Variants in ZNF618 observed in about 807,000 individuals in gnomAD.
The protein encoded by ZNF618 is neural precursor cell expressed, developmentally down-regulated 10.
Under a neutral mutation model 103.0 loss-of-function variants are expected in ZNF618, and 34 were observed. The ratio of observed to expected loss-of-function variants is 0.33; its 90% CI spans 0.25 to 0.44. The LOEUF (loss-of-function observed/expected upper bound fraction) is 0.44, where lower values mean the gene tolerates loss of function less well. Ranked by LOEUF, ZNF618 falls within the 20% of genes least tolerant of loss-of-function variation. The pLI, the probability that ZNF618 is intolerant of heterozygous loss-of-function variation, is 1.00. For missense variants in ZNF618, 1,059 were observed against 1,295.4 expected, an observed-to-expected ratio of 0.82 and a Z score of 2.80; for synonymous variants, 551 against 542.2, an observed-to-expected ratio of 1.02 and a Z score of -0.23.
chr9:113,987,601 C>T (rs568418940), intron 2 of ZNF618, among the ~76,000 whole-genome samples: 11 of 152,202 alleles, frequency 7.2e-5, no homozygotes, highest in Admixed American at 4.6e-4. Context: ...GGGAACAGCA[C>T]TGGATATCGC....
chr9:114,027,104 G>A (rs529207850), intron 10 of ZNF618, among the ~76,000 whole-genome samples: 2 of 151,850 alleles, frequency 1.3e-5, no homozygotes, highest in African/African-American at 4.8e-5. Context: ...TTCATTCTGT[G>A]GGTTAAAAAA....
intron 2 of ZNF618, among the ~76,000 whole-genome samples, chr9:113,977,595 A>G (rs1301341375): frequency 6.6e-6 from 1 of 152,146 alleles, no homozygotes; most frequent in African/African-American, 2.4e-5. Context: ...GGGATATTCT[A>G]TCTGGGAGAC....
At chr9:114,005,490 C>T (rs11788661) in intron 6 of ZNF618, among the ~76,000 whole-genome samples, 47,458 of 152,000 alleles carry the variant, frequency 0.31, 8,485 homozygotes, top group East Asian at 0.61. Context: ...TTGGAGGTAA[C>T]AGATGTGGCC....
chr9:114,001,494 T>C (rs1236952332), intron 4 of ZNF618, among the ~76,000 whole-genome samples: 3 of 152,110 alleles, frequency 2.0e-5, no homozygotes, highest in African/African-American at 7.2e-5. Flanking sequence ...TCTAAGGAAA[T>C]TACCAAGGTC....
intron 1 of ZNF618, among the ~76,000 whole-genome samples, chr9:113,901,537 G>A (rs1053070213): frequency 1.3e-5 from 2 of 152,188 alleles, no homozygotes; most frequent in African/African-American, 4.8e-5. Flanking sequence ...ATACATCAGC[G>A]CCCGTGCCAG....
intron 3 of ZNF618, among the ~76,000 whole-genome samples, chr9:113,994,638 T>C (rs1471350351): frequency 6.6e-6 from 1 of 152,112 alleles, no homozygotes; most frequent in East Asian, 1.9e-4. Flanking sequence ...CCAGTAGAAT[T>C]GTTGGGGGCA....
chr9:113,958,900 C>T (rs1465137902), intron 1 of ZNF618, among the ~76,000 whole-genome samples: 2 of 152,244 alleles, frequency 1.3e-5, no homozygotes, highest in African/African-American at 4.8e-5. Context: ...ATGTTACTGC[C>T]CTGCCTGGAG....
chr9:113,880,928 G>T (rs1828462151), intron 1 of ZNF618, among the ~76,000 whole-genome samples: 1 of 152,120 alleles, frequency 6.6e-6, no homozygotes, highest in African/African-American at 2.4e-5. Flanking sequence ...GAACCCTGTG[G>T]GTTAGGTGTC....
At chr9:113,895,120 T>A (rs1232060755) in intron 1 of ZNF618, among the ~76,000 whole-genome samples, 1 of 152,182 alleles carries the variant, frequency 6.6e-6, no homozygotes, top group African/African-American at 2.4e-5. Flanking sequence ...TCTGAGTTGC[T>A]AAGAGTTTTT....
intron 10 of ZNF618, among the ~76,000 whole-genome samples, chr9:114,019,085 T>C (rs1842867135): frequency 6.6e-6 from 1 of 152,214 alleles, no homozygotes; most frequent in Non-Finnish European, 1.5e-5. Flanking sequence ...TTCTTAGAAT[T>C]AGTGTCATAG....
chr9:114,001,437 G>A lies in ZNF618; in HGVS notation c.434-559G>A, dbSNP rs976926043. Among the ~76,000 whole-genome samples, 4 of 152,144 alleles carry A rather than the reference G, an allele frequency of 2.6e-5. No homozygotes were observed. The East Asian group carries it at 7.7e-4, about 29-fold the overall frequency. On this transcript the variant is annotated intron_variant, in intron 4 of 14. Coordinates refer to ENST00000374126, the MANE Select transcript of ZNF618 (RefSeq NM_001318042.2). ...GTATATGGCCACCCCTACGAGGTAG[G>A]TGCATGTGGTCCCATTCTGCAGATC...
chr9:113,944,720 T>C (rs1834854008), intron 1 of ZNF618, among the ~76,000 whole-genome samples: 1 of 152,246 alleles, frequency 6.6e-6, no homozygotes, highest in African/African-American at 2.4e-5. Flanking sequence ...ACATATTTTA[T>C]TGAGCCCATT....
At position 113,889,418 on chromosome 9, in the gene ZNF618, G is replaced by A. The variant is rs559662583; in HGVS notation, c.33+13005G>A. Among the ~76,000 whole-genome samples the A allele has an allele frequency of 2.0e-5, 3 of 151,626 alleles. No individual in the cohort carries two copies. The South Asian group carries it at 6.3e-4, about 32-fold the overall frequency. On this transcript the variant is annotated intron_variant, in intron 1 of 14. Coordinates refer to ENST00000374126, the MANE Select transcript of ZNF618 (RefSeq NM_001318042.2). ...CATATATGGCTAGACTTCTTACGTG[G>A]CGTCTTGAGGCTGCAAAGATGCATG...
At position 113,955,967 on chromosome 9, in the gene ZNF618, T is replaced by C. The variant is rs111421217; in HGVS notation, c.34-13150T>C. 7.0e-3 allele frequency among the ~76,000 whole-genome samples: 1,060 copies of C among 152,040 alleles called. 13 individuals carry two copies. Among genetic ancestry groups the C allele is most frequent in the African/African-American group, 0.024 (989 of 41,474 alleles). ...GTAAAAGAGGAGCATCCCAGCACTT[T>C]GGGAGGCCGAAGCGGGTGGATCACC... On this transcript the variant is annotated intron_variant, in intron 1 of 14. Transcript: ENST00000374126.
intron 13 of ZNF618, among the ~76,000 whole-genome samples, chr9:114,039,327 T>G (rs1021264433): frequency 2.7e-5 from 4 of 149,852 alleles, no homozygotes; most frequent in Non-Finnish European, 4.4e-5. Context: ...GTTTCTTTCT[T>G]TCTTTCTTGT....
intron 3 of ZNF618, among the ~76,000 whole-genome samples, chr9:113,990,583 C>A (rs2418263): frequency 0.59 from 89,824 of 152,100 alleles, 27,014 homozygotes; most frequent in Middle Eastern, 0.73. Context: ...CCCCTCTGGT[C>A]CCAGACTAAA....
chr9:113,904,007 C>G (rs1830766269), intron 1 of ZNF618, among the ~76,000 whole-genome samples: 1 of 145,438 alleles, frequency 6.9e-6, no homozygotes, highest in Admixed American at 7.2e-5. Context: ...TTCTTCACCC[C>G]TCCTTTTTTT....
chr9:113,891,607 G>C (rs1829623347), intron 1 of ZNF618, among the ~76,000 whole-genome samples: 1 of 152,124 alleles, frequency 6.6e-6, no homozygotes, highest in Non-Finnish European at 1.5e-5. Flanking sequence ...TTCCATTTCT[G>C]GGTATATATC....
intron 1 of ZNF618, among the ~76,000 whole-genome samples, chr9:113,891,402 A>G (rs1305816933): frequency 6.6e-6 from 1 of 152,210 alleles, no homozygotes; most frequent in East Asian, 1.9e-4. Context: ...GAGATGCCCA[A>G]CATCATTCAT....
Sources: allele counts gnomAD v4.1 joint callset (sites outside exome capture counted in the v4.1 genomes callset), GRCh38; gene constraint gnomAD v4.1.1; transcripts MANE v1.5; gene names NCBI Gene and HGNC (gene_info 2026-07-23, HGNC 2026-07-21).